Variants in GRB14 observed in about 807,000 individuals in gnomAD.
GRB14 encodes growth factor receptor bound protein 14.
In GRB14, 38 loss-of-function variants were observed where a neutral mutation model predicts 69.1. The observed-to-expected ratio is 0.55, with a 90% confidence interval of 0.42 to 0.72. GRB14 has a LOEUF of 0.72. Among genes scored for constraint, GRB14 ranks in the 30% least tolerant of loss-of-function variants. The pLI, the probability that GRB14 is intolerant of heterozygous loss-of-function variation, is 0.00. For synonymous variants in GRB14, 247 were observed against 241.3 expected, an observed-to-expected ratio of 1.02 and a Z score of -0.22; for missense variants, 666 against 666.1, an observed-to-expected ratio of 1.00 and a Z score of 0.00.
chr2:164,499,346 C>T (rs1479485869), intron 9 of GRB14, among the ~76,000 whole-genome samples: 2 of 152,080 alleles, frequency 1.3e-5, no homozygotes, highest in Admixed American at 1.3e-4. Flanking sequence ...TCATTTGCTA[C>T]ATTAACTAGA....
intron 3 of GRB14, among the ~76,000 whole-genome samples, chr2:164,543,511 C>T (rs1169244364): frequency 2.0e-5 from 3 of 152,118 alleles, no homozygotes; most frequent in Non-Finnish European, 4.4e-5. Flanking sequence ...ATTGAAAATT[C>T]ATCATTTTGG....
At chr2:164,544,885 G>A (rs1312006021) in intron 3 of GRB14, among the ~76,000 whole-genome samples, 1 of 152,184 alleles carries the variant, frequency 6.6e-6, no homozygotes, top group Non-Finnish European at 1.5e-5. Flanking sequence ...TTCAGGGAAT[G>A]CATGTAGTGT....
chr2:164,494,646 T>C (rs1686845327), intron 12 of GRB14, 122 bp from the exon 13 acceptor site: 1 of 702,420 alleles, frequency 1.4e-6, no homozygotes, highest in Admixed American at 2.5e-5. Context: ...TACTATGTAT[T>C]CAATGGGTGG....
At chr2:164,553,578 TTAGA>T (rs1688600098) in intron 2 of GRB14, among the ~76,000 whole-genome samples, 1 of 152,228 alleles carries the variant, frequency 6.6e-6, no homozygotes, top group Non-Finnish European at 1.5e-5. Context: ...CTGTCATCTC[TTAGA>T]TATAGTCTGT....
intron 2 of GRB14, among the ~76,000 whole-genome samples, chr2:164,590,052 C>T (rs75327171): frequency 0.031 from 4,757 of 152,148 alleles, 249 homozygotes; most frequent in African/African-American, 0.11. Context: ...CTCCAAAGGC[C>T]CCACATCCTA....
chr2:164,525,212 T>C, intron 4 of GRB14, 134 bp from the exon 5 acceptor site: 1 of 694,600 alleles, frequency 1.4e-6, no homozygotes, highest in Non-Finnish European at 2.6e-6. Context: ...CTTTTGAAAA[T>C]GCCCGTCCTT....
intron 8 of GRB14, among the ~76,000 whole-genome samples, chr2:164,505,194 T>C (rs534205012): frequency 6.6e-6 from 1 of 152,192 alleles, no homozygotes; most frequent in Non-Finnish European, 1.5e-5. Flanking sequence ...CAATGACGCA[T>C]CTTTGAACTG....
chr2:164,531,046 G>C (rs1371333541), intron 3 of GRB14, among the ~76,000 whole-genome samples: 7 of 152,152 alleles, frequency 4.6e-5, no homozygotes, highest in Admixed American at 3.9e-4. Context: ...TGAAGGTAGG[G>C]ACAACAGAAT....
chr2:164,614,639 A>T (rs959346158), intron 2 of GRB14, among the ~76,000 whole-genome samples: 1 of 152,218 alleles, frequency 6.6e-6, no homozygotes, highest in African/African-American at 2.4e-5. Context: ...TAAAATTTTT[A>T]AAAAAGAAAT....
intron 2 of GRB14, among the ~76,000 whole-genome samples, chr2:164,557,548 A>G (rs1688711704): frequency 1.3e-5 from 2 of 152,218 alleles, no homozygotes; most frequent in Admixed American, 6.5e-5. Context: ...CAGCTACAAT[A>G]ACAGAAAGTC....
intron 3 of GRB14, among the ~76,000 whole-genome samples, chr2:164,544,513 T>A (rs1436680142): frequency 1.3e-5 from 2 of 152,228 alleles, no homozygotes; most frequent in Non-Finnish European, 2.9e-5. Flanking sequence ...AGGGCAGATA[T>A]CTATTGAGAA....
At chr2:164,536,996 G>A (rs1158700793) in intron 3 of GRB14, among the ~76,000 whole-genome samples, 3 of 152,136 alleles carry the variant, frequency 2.0e-5, no homozygotes, top group Non-Finnish European at 4.4e-5. Context: ...AGTACGGACG[G>A]TGGCAGCAAG....
intron 2 of GRB14, chr2:164,568,360 T>G: frequency 7.8e-7 from 1 of 1,288,588 alleles, no homozygotes; most frequent in Non-Finnish European, 1.0e-6. Flanking sequence ...GAGTGACTCT[T>G]CTTGCACTCA....
At chr2:164,576,816 T>C (rs560536675) in intron 2 of GRB14, among the ~76,000 whole-genome samples, 1 of 117,848 alleles carries the variant, frequency 8.5e-6, no homozygotes, top group South Asian at 2.4e-4. Context: ...AAAGTAGAAA[T>C]TAAAACTTGA....
At chr2:164,495,946 A>AATC (rs1265799960) in intron 12 of GRB14, among the ~76,000 whole-genome samples, 3 of 152,238 alleles carry the variant, frequency 2.0e-5, no homozygotes, top group African/African-American at 7.2e-5. Context: ...AGAAAATTAC[A>AATC]ATCTTTCAAA....
chr2:164,577,610 C>T (rs1159991288), intron 2 of GRB14, among the ~76,000 whole-genome samples: 1 of 152,164 alleles, frequency 6.6e-6, no homozygotes, highest in Non-Finnish European at 1.5e-5. Flanking sequence ...GTCAATCAAA[C>T]CTCTTTTCTT....
At chr2:164,503,161 T>C (rs1687100556) in intron 8 of GRB14, among the ~76,000 whole-genome samples, 1 of 133,620 alleles carries the variant, frequency 7.5e-6, no homozygotes, top group Non-Finnish European at 1.5e-5. Context: ...AGGTTTAAGC[T>C]ACTTTGTTAA....
At chr2:164,561,974 T>TA (rs1411998495) in intron 2 of GRB14, among the ~76,000 whole-genome samples, 2 of 152,062 alleles carry the variant, frequency 1.3e-5, no homozygotes, top group African/African-American at 4.8e-5. Context: ...TGGCAAAAAT[T>TA]AAAGAAAAGC....
chr2:164,579,226 C>A (rs1039489376), intron 2 of GRB14, among the ~76,000 whole-genome samples: 8 of 152,060 alleles, frequency 5.3e-5, no homozygotes, highest in Non-Finnish European at 1.2e-4. Flanking sequence ...TGATAAAATA[C>A]ATAAGTTAAG....
Sources: gnomAD v4.1 joint callset for allele counts (sites outside exome capture counted in the v4.1 genomes callset) on GRCh38, gnomAD v4.1.1 for gene constraint, MANE v1.5 for transcripts, NCBI Gene and HGNC (gene_info 2026-07-23, HGNC 2026-07-21) for gene names.